The following PSD4 variants were observed in gnomAD, a reference collection of about 807,000 sequenced individuals.
The protein encoded by PSD4 is pleckstrin and Sec7 domain containing 4.
A neutral mutation model predicts 112.5 loss-of-function variants in PSD4; 59 were observed. That is an observed-to-expected ratio of 0.52 (90% CI 0.43 to 0.65). The LOEUF is 0.65. Ranked by LOEUF, PSD4 falls within the 30% of genes least tolerant of loss-of-function variation. The pLI is 0.00. For missense variants in PSD4, 1,267 were observed against 1,352.6 expected, an observed-to-expected ratio of 0.94 and a Z score of 0.99; for synonymous variants, 533 against 540.0, an observed-to-expected ratio of 0.99 and a Z score of 0.18.
chr2:113,200,413 G>A (rs1047631299), intron 16 of PSD4, among the ~76,000 whole-genome samples: 5 of 152,184 alleles, frequency 3.3e-5, no homozygotes, highest in African/African-American at 1.2e-4. Context: ...GCCTGTCCCC[G>A]CTGTGCCCGC....
At chr2:113,198,261 T>C (rs1040509495) in intron 14 of PSD4, 5 of 284,464 alleles carry the variant, frequency 1.8e-5, no homozygotes, top group South Asian at 1.3e-4. Context: ...TCTCAGATTG[T>C]CCTCTTTATT....
chr2:113,187,224 G>A (rs770371670), intron 5 of PSD4, among the ~76,000 whole-genome samples: 2 of 152,232 alleles, frequency 1.3e-5, no homozygotes, highest in African/African-American at 2.4e-5. Flanking sequence ...GCCATGTTCC[G>A]AGTTTATCTC....
At chr2:113,178,770 T>C (rs1688045036) in intron 1 of PSD4, among the ~76,000 whole-genome samples, 1 of 152,044 alleles carries the variant, frequency 6.6e-6, no homozygotes, top group African/African-American at 2.4e-5. Context: ...CATAGGGCCA[T>C]GAGGCTGGCA....
rs1205100049 is a variant in PSD4 at position 113,207,181 on chromosome 2, G to A, written c.*5766G>A. ...CCTGTAGCAGCCTGCCTTGGGCCGT[G>A]TGCCCATATCTGAGCCAGTCACTAG... On this transcript the variant is annotated 3_prime_UTR_variant, in exon 17 of 17. Transcript: ENST00000245796. 1 of 152,160 alleles carries A rather than the reference G, an allele frequency of 6.6e-6. No homozygotes were observed. Among genetic ancestry groups the A allele is most frequent in the Non-Finnish European group, 1.5e-5 (1 of 68,046 alleles). The allele number at this position is 152,160 out of a possible 1,614,324, so 9.4% of individuals were successfully genotyped here. A position where few individuals can be genotyped will look rare whatever the true frequency, so the allele number is the denominator to read the frequency against.
rs1209460668 is a variant in PSD4, at chr2:113,204,080, C to T, written c.*2665C>T. ...TCTGGGTTGTGGGCTGCAGTTATGA[C>T]ATGTGACCACTTGGAGGCAGGCTTG... On this transcript the variant is annotated 3_prime_UTR_variant, in exon 17 of 17. Coordinates refer to ENST00000245796, the MANE Select transcript of PSD4 (RefSeq NM_012455.3). 1 of 152,336 alleles carries T rather than the reference C, an allele frequency of 6.6e-6. No individual in the cohort carries two copies. The highest frequency in any genetic ancestry group is 1.5e-5 in the Non-Finnish European group (1 of 68,118). 9.4% of individuals were successfully genotyped at this position (152,336 alleles called of 1,614,324 possible). A position where few individuals can be genotyped will look rare whatever the true frequency, so the allele number is the denominator to read the frequency against.
intron 1 of PSD4, among the ~76,000 whole-genome samples, chr2:113,178,600 C>T (rs1688040102): frequency 6.6e-6 from 1 of 151,984 alleles, no homozygotes; most frequent in Non-Finnish European, 1.5e-5. Flanking sequence ...GTGGGGTTTC[C>T]TCTCATCTTA....
chr2:113,193,139 T>C lies in PSD4; in HGVS notation c.1919+11T>C, dbSNP rs188608233. 3.2e-5 allele frequency: 52 copies of C among 1,612,990 alleles called. No homozygotes were observed. In the Admixed American group the frequency reaches 8.5e-4, roughly 26 times the overall value. Reference sequence around the variant, plus strand: ...GGACCGAGCCCTCCGGTAATGTCTTTGGGCCCTCTCTGGGGAGGCTGTGGA... The same window carrying C: ...GGACCGAGCCCTCCGGTAATGTCTTCGGGCCCTCTCTGGGGAGGCTGTGGA... On this transcript the variant is annotated intron_variant, in intron 7 of 16. Coordinates refer to ENST00000245796, the MANE Select transcript of PSD4 (RefSeq NM_012455.3).
rs540074729 is a variant in PSD4 at position 113,199,086 on chromosome 2, G to C, written c.2773G>C (p.Glu925Gln). ...CCTCACCGCCCGCTGCTCGCAGGAG[G>C]AGCAGCATCGATCCCACGAGAACTG... ...PVGPAQSSLE[E>Q]QHRSHENCLD... Residue 925 changes from glutamate to glutamine, a missense_variant, in exon 16 of 17, where the codon GAG becomes CAG. This residue lies in a region of PSD4 where 544 missense variants were observed against 648.6 expected (regional missense o/e 0.84). Transcript: ENST00000245796. 1.9e-5 allele frequency: 29 copies of C among 1,532,080 alleles called. No homozygotes were observed. The East Asian group carries it at 4.6e-4, about 24-fold the overall frequency. 94.9% of individuals were successfully genotyped at this position (1,532,080 alleles called of 1,614,324 possible).
intron 5 of PSD4, among the ~76,000 whole-genome samples, chr2:113,190,182 T>C (rs2121242): frequency 0.88 from 133,833 of 152,200 alleles, 59,921 homozygotes; most frequent in Non-Finnish European, 0.97. Context: ...TCTCGAGTTG[T>C]TTTTTGTGTA....
rs1449622628 is a variant in PSD4, at chr2:113,193,258, G to A, written c.1920G>A (p.Arg640=). 2.5e-6 allele frequency: 4 copies of A among 1,580,820 alleles called. No individual in the cohort carries two copies. Among genetic ancestry groups the A allele is most frequent in the Non-Finnish European group, 3.4e-6 (4 of 1,164,962 alleles). ...CCTTGACCCTGGCCCTCCTTTGCAGGAGCTTCCTCCAGGCCTTGGTGCTCA... is the reference window on the plus strand; with the variant it reads ...CCTTGACCCTGGCCCTCCTTTGCAGAAGCTTCCTCCAGGCCTTGGTGCTCA... ...FGGQSLDRAL[R]SFLQALVLSG... is the part of the protein sequence containing the mutation. Residue 640 remains arginine, a splice_region_variant and synonymous_variant, in exon 8 of 17, where the codon CGG becomes CGA. Coordinates refer to ENST00000245796, the MANE Select transcript of PSD4 (RefSeq NM_012455.3).
Position 113,197,805 on chromosome 2 carries a change from C to T in PSD4, c.2516C>T (p.Pro839Leu), listed in dbSNP as rs775659350. 2 of 1,611,578 alleles carry T rather than the reference C, an allele frequency of 1.2e-6. No individual in the cohort carries two copies. Among genetic ancestry groups the T allele is most frequent in the Non-Finnish European group, 1.7e-6 (2 of 1,178,190 alleles). The change falls in exon 14 of 17, where the codon CCC (proline) becomes CTC (leucine). Residue 839 changes from proline (P) to leucine (L), a missense_variant. Around this residue, in one of 2 missense-constraint regions of PSD4, gnomAD observed 544 missense variants for 648.6 expected, o/e 0.84. Transcript: ENST00000245796. ...TTGGTGGGGCAGATGGTGGATGAGC[C>T]CGTGGGGGTGCACCACTCGCTGGCC... is the stretch of plus-strand genomic sequence containing the variant. Reference protein sequence around the residue: ...ESLVGQMVDEPVGVHHSLATP... With the variant: ...ESLVGQMVDELVGVHHSLATP...
Position 113,182,332 on chromosome 2 carries a change from T to C in PSD4, c.-111-14T>C. 2 of 944,634 alleles carry C rather than the reference T, an allele frequency of 2.1e-6. No individual in the cohort carries two copies. The highest frequency in any genetic ancestry group is 2.6e-5 in the East Asian group (1 of 38,832). 58.5% of individuals were successfully genotyped at this position (944,634 alleles called of 1,614,324 possible). A position where few individuals can be genotyped will look rare whatever the true frequency, so the allele number is the denominator to read the frequency against. On this transcript the variant is annotated splice_polypyrimidine_tract_variant and intron_variant, in intron 1 of 16. Transcript: ENST00000245796. ...AGCCCTTCCCTAACCTGCACTTGCT[T>C]TGGGCATTTCCAGGGTAGATATGGA... is the stretch of plus-strand genomic sequence containing the variant.
chr2:113,180,233 A>T (rs977942961), intron 1 of PSD4, among the ~76,000 whole-genome samples: 1 of 152,176 alleles, frequency 6.6e-6, no homozygotes, highest in African/African-American at 2.4e-5. Context: ...AGGCCGCGCG[A>T]ATCACCTCCG....
chr2:113,188,412 T>A (rs1688358725), intron 5 of PSD4, among the ~76,000 whole-genome samples: 1 of 151,668 alleles, frequency 6.6e-6, no homozygotes, highest in Non-Finnish European at 1.5e-5. Context: ...CCTGGCTAAT[T>A]TTTGTACTTT....
In PSD4 at chr2:113,185,894, C is replaced by T. The variant is rs1456070535; in HGVS notation, c.1267C>T (p.His423Tyr). Residue 423 changes from histidine to tyrosine, a missense_variant, in exon 5 of 17, where the codon CAC becomes TAC. Physicochemically the swap from His to Tyr is moderately conservative, Grantham distance 83 (BLOSUM62 2). This residue lies in a region of PSD4 where 723 missense variants were observed against 704.0 expected (regional missense o/e 1.03). Transcript: ENST00000245796. ...TTCCTCAGATGAGAGGGAGGGTGGA[C>T]ACCCCCAGGAATCTCTTCCCTGCAC... ...SQDRDEREGG[H>Y]PQESLPCTLA... 2 of 1,611,744 alleles carry T rather than the reference C, an allele frequency of 1.2e-6. No homozygotes were observed. The highest frequency in any genetic ancestry group is 1.7e-6 in the Non-Finnish European group (2 of 1,178,940).
rs897888184 is a variant in PSD4, at chr2:113,192,316, G to T, written c.1629-64G>T. The T allele has an allele frequency of 9.8e-6, 15 of 1,524,438 alleles. No individual in the cohort carries two copies. In the Admixed American group the frequency reaches 2.5e-4, roughly 26 times the overall value. 94.4% of individuals were successfully genotyped at this position (1,524,438 alleles called of 1,614,324 possible). On this transcript the variant is annotated intron_variant, in intron 5 of 16. Transcript: ENST00000245796. The stretch of plus-strand genomic sequence containing the variant: ...CACCATTCAAGGCGCTGAGCTCGGG[G>T]AACTCTTGCCACAACTGACCTGCAA...
At position 113,204,176 on chromosome 2, in the gene PSD4, G is replaced by A. The variant is rs1416247217; in HGVS notation, c.*2761G>A. The stretch of plus-strand genomic sequence containing the variant: ...AGCTGTGCTCCCTGAAAGGCAGGAA[G>A]TTATTATGTGTGCCCCTGTGCCATC... On this transcript the variant is annotated 3_prime_UTR_variant, in exon 17 of 17. Coordinates refer to ENST00000245796, the MANE Select transcript of PSD4 (RefSeq NM_012455.3). 2 of 152,314 alleles carry A rather than the reference G, an allele frequency of 1.3e-5. No individual in the cohort carries two copies. The highest frequency in any genetic ancestry group is 2.9e-5 in the Non-Finnish European group (2 of 68,086). 9.4% of individuals were successfully genotyped at this position (152,314 alleles called of 1,614,324 possible).
chr2:113,182,568 A>C lies in PSD4; in HGVS notation c.112A>C (p.Ser38Arg). Residue 38 changes from serine to arginine, a missense_variant, in exon 2 of 17, where the codon AGC becomes CGC. This residue lies in a region of PSD4 where 723 missense variants were observed against 704.0 expected (regional missense o/e 1.03). Transcript: ENST00000245796. ...HPGECPRETC[S>R]HEDPPEPFEE... Reference sequence around the variant, plus strand: ...AGGAGAGTGCCCAAGGGAAACGTGCAGCCATGAGGATCCACCGGAGCCTTT... The same window carrying C: ...AGGAGAGTGCCCAAGGGAAACGTGCCGCCATGAGGATCCACCGGAGCCTTT... 6.2e-7 allele frequency: 1 copy of C among 1,614,214 alleles called. No homozygotes were observed. Among genetic ancestry groups the C allele is most frequent in the East Asian group, 2.2e-5 (1 of 44,886 alleles).
chr2:113,198,664 G>A (rs1688679122), intron 14 of PSD4, 76 bp from the exon 15 acceptor site: 1 of 1,466,146 alleles, frequency 6.8e-7, no homozygotes, highest in Non-Finnish European at 9.0e-7. Flanking sequence ...TGTGCAAGCA[G>A]CCACAGGAGG....
Sources: gnomAD v4.1 joint callset for allele counts (sites outside exome capture counted in the v4.1 genomes callset) on GRCh38, gnomAD v4.1.1 for gene constraint, gnomAD v4.1.1 regional missense constraint, MANE v1.5 for transcripts, NCBI Gene and HGNC (gene_info 2026-07-23, HGNC 2026-07-21) for gene names.